The following CTNNBIP1 variants were observed in gnomAD, a reference collection of about 807,000 sequenced individuals.
CTNNBIP1 encodes catenin beta interacting protein 1.
In CTNNBIP1, 7 loss-of-function variants were observed where a neutral mutation model predicts 11.8. The observed-to-expected ratio is 0.60, with a 90% CI of 0.34 to 1.12. The LOEUF is 1.12. Ranked by LOEUF, CTNNBIP1 falls within the 50% of genes most tolerant of loss-of-function variation. CTNNBIP1 has a pLI of 0.03. For missense variants in CTNNBIP1, 101 were observed against 113.4 expected, an observed-to-expected ratio of 0.89 and a Z score of 0.50; for synonymous variants, 58 against 43.9, an observed-to-expected ratio of 1.32 and a Z score of -1.26.
intron 1 of CTNNBIP1, among the ~76,000 whole-genome samples, chr1:9,895,820 G>A (rs1639397882): frequency 6.6e-6 from 1 of 151,958 alleles, no homozygotes. Context: ...TAAGAGATGG[G>A]ACTTGCTATG....
rs1330245872 is a variant in CTNNBIP1 at position 9,871,276 on chromosome 1, A to C, written c.98T>G (p.Leu33Arg). The C allele has an allele frequency of 6.4e-7, 1 of 1,564,034 alleles. No individual in the cohort carries two copies. The highest frequency in any genetic ancestry group is 8.7e-7 in the Non-Finnish European group (1 of 1,154,146). Residue 33 changes from leucine to arginine, a missense_variant and splice_region_variant, in exon 5 of 6, where the codon CTG becomes CGG. Coordinates refer to ENST00000377263, the MANE Select transcript of CTNNBIP1 (RefSeq NM_020248.3). The surrounding 1 kb of genome is among the most constrained non-coding windows in gnomAD (Gnocchi z 5.2). ...LLMLRKMGSN[L>R]TASEEEFLRT... Reference sequence around the variant, plus strand: ...CAGGAACTCCTCCTCGCTGGCTGTCAGCTGCAGGGTGAGAGAGCTGTGGTG... The same window carrying C: ...CAGGAACTCCTCCTCGCTGGCTGTCCGCTGCAGGGTGAGAGAGCTGTGGTG...
intron 1 of CTNNBIP1, among the ~76,000 whole-genome samples, chr1:9,897,209 C>T (rs1323008652): frequency 2.0e-5 from 3 of 151,588 alleles, no homozygotes; most frequent in Admixed American, 1.3e-4. Flanking sequence ...AATCCCAGCA[C>T]TTTGGGAGGC....
intron 1 of CTNNBIP1, among the ~76,000 whole-genome samples, chr1:9,898,993 A>C (rs12034119): frequency 0.18 from 28,011 of 151,974 alleles, 3,463 homozygotes; most frequent in East Asian, 0.52. Flanking sequence ...AAAATTTTTT[A>C]CTTCCGTAGG....
chr1:9,905,662 C>T (rs1443767107), intron 1 of CTNNBIP1, among the ~76,000 whole-genome samples: 1 of 151,678 alleles, frequency 6.6e-6, no homozygotes, highest in Admixed American at 6.6e-5. Context: ...GATCTCCTGA[C>T]CTGGTGATCC....
chr1:9,855,614 C>T (rs1029586966), intron 5 of CTNNBIP1, among the ~76,000 whole-genome samples: 21 of 151,386 alleles, frequency 1.4e-4, no homozygotes, highest in Non-Finnish European at 2.8e-4. Context: ...CTTGCAGCAT[C>T]TAAAAAAATT....
intron 1 of CTNNBIP1, among the ~76,000 whole-genome samples, chr1:9,904,182 A>AT: frequency 6.6e-6 from 1 of 152,326 alleles, no homozygotes; most frequent in East Asian, 1.9e-4. Context: ...AAATCTACAG[A>AT]TGACATATGA....
chr1:9,897,911 G>C lies in CTNNBIP1; in HGVS notation c.-144+12184C>G, dbSNP rs1393192386. 2.0e-5 allele frequency among the ~76,000 whole-genome samples: 3 copies of C among 152,028 alleles called. No individual in the cohort carries two copies. In the East Asian group the frequency reaches 5.8e-4, roughly 30 times the overall value. ...CGAGGTGGGCGGATCACAGGGTTAG[G>C]AGTTCAAGACCAGCCTGGCCAATAG... On this transcript the variant is annotated intron_variant, in intron 1 of 5. Transcript: ENST00000377263.
chr1:9,893,393 C>T (rs1452597192), intron 1 of CTNNBIP1, among the ~76,000 whole-genome samples: 4 of 152,164 alleles, frequency 2.6e-5, no homozygotes, highest in Non-Finnish European at 1.5e-5. Flanking sequence ...AGCCACGAAA[C>T]TGTTAGTCAC....
chr1:9,904,715 A>G (rs927270239), intron 1 of CTNNBIP1, among the ~76,000 whole-genome samples: 1 of 152,192 alleles, frequency 6.6e-6, no homozygotes, highest in Non-Finnish European at 1.5e-5. Flanking sequence ...TGCATTTATG[A>G]AGAATGGCTG....
chr1:9,854,642 T>C (rs1638464934), intron 5 of CTNNBIP1, among the ~76,000 whole-genome samples: 1 of 152,040 alleles, frequency 6.6e-6, no homozygotes. Flanking sequence ...GATGACATGA[T>C]CTTATATGTA....
intron 5 of CTNNBIP1, among the ~76,000 whole-genome samples, chr1:9,860,632 A>AAG (rs1557746557): frequency 6.6e-6 from 1 of 150,812 alleles, no homozygotes; most frequent in African/African-American, 2.4e-5. Context: ...AAAAAAAAAA[A>AAG]AAAGAAAAAA....
intron 3 of CTNNBIP1, among the ~76,000 whole-genome samples, chr1:9,874,482 G>A (rs1217520522): frequency 1.3e-5 from 2 of 152,170 alleles, no homozygotes; most frequent in Non-Finnish European, 2.9e-5. Flanking sequence ...TCAAATTCCT[G>A]GTCTCAAGCA....
At position 9,871,276 on chromosome 1, in the gene CTNNBIP1, A is replaced by G; in HGVS notation, c.98T>C (p.Leu33Pro). The G allele has an allele frequency of 6.4e-7, 1 of 1,564,034 alleles. No individual in the cohort carries two copies. Among genetic ancestry groups the G allele is most frequent in the Non-Finnish European group, 8.7e-7 (1 of 1,154,146 alleles). ...LLMLRKMGSN[L>P]TASEEEFLRT... ...CAGGAACTCCTCCTCGCTGGCTGTC[A>G]GCTGCAGGGTGAGAGAGCTGTGGTG... Residue 33 changes from leucine to proline, a missense_variant and splice_region_variant, in exon 5 of 6, where the codon CTG (leucine) becomes CCG (proline). Transcript: ENST00000377263. This position sits in a 1 kb window ranked among gnomAD's most constrained non-coding sequence, Gnocchi z 5.2.
In CTNNBIP1 at chr1:9,867,437, T is replaced by C. The variant is rs545931870; in HGVS notation, c.187+3750A>G. ...CACGGCCCCCTCCCTGGGCCTCAAG[T>C]AAGGGAGCAGTGCCCCAGGTACCAG... On this transcript the variant is annotated intron_variant, in intron 5 of 5. Transcript: ENST00000377263. This position sits in a 1 kb window ranked among gnomAD's most constrained non-coding sequence, Gnocchi z 4.6. Among the ~76,000 whole-genome samples, 7 of 151,956 alleles carry C rather than the reference T, an allele frequency of 4.6e-5. No individual in the cohort carries two copies. Among genetic ancestry groups the C allele is most frequent in the Non-Finnish European group, 1.0e-4 (7 of 67,930 alleles).
intron 5 of CTNNBIP1, among the ~76,000 whole-genome samples, chr1:9,868,705 G>A (rs773462697): frequency 2.6e-5 from 4 of 152,016 alleles, no homozygotes; most frequent in South Asian, 2.1e-4. Flanking sequence ...TTGGCTCATC[G>A]CAAGCTCCGC....
chr1:9,869,363 GGTTTTGTTTT>G (rs1164087483), intron 5 of CTNNBIP1, among the ~76,000 whole-genome samples: 1 of 150,858 alleles, frequency 6.6e-6, no homozygotes, highest in Non-Finnish European at 1.5e-5. Context: ...TTGTTGCTGG[GGTTTTGTTTT>G]GTTTTGTTTT....
chr1:9,857,814 AC>A lies in CTNNBIP1; in HGVS notation c.188-7039del, dbSNP rs1400384801. The stretch of plus-strand genomic sequence containing the variant: ...AGATTCCGTCTCAAAAACAATAACA[AC>A]AACAACAACAAAAATCCAAAACTAT... On this transcript the variant is annotated intron_variant, in intron 5 of 5. Coordinates refer to ENST00000377263, the MANE Select transcript of CTNNBIP1 (RefSeq NM_020248.3). Among the ~76,000 whole-genome samples the A allele has an allele frequency of 3.3e-5, 5 of 152,302 alleles. No individual in the cohort carries two copies. The East Asian group carries it at 7.7e-4, about 23-fold the overall frequency.
At chr1:9,878,375 AAG>A (rs1639013897) in intron 2 of CTNNBIP1, among the ~76,000 whole-genome samples, 1 of 152,194 alleles carries the variant, frequency 6.6e-6, no homozygotes, top group Non-Finnish European at 1.5e-5. Flanking sequence ...GCACCTGCAC[AAG>A]AGAATGCCCC....
In CTNNBIP1 at chr1:9,878,775, C is replaced by T. The variant is rs887483993; in HGVS notation, c.-109-786G>A. Among the ~76,000 whole-genome samples the T allele has an allele frequency of 2.0e-5, 3 of 152,354 alleles. No individual in the cohort carries two copies. In the East Asian group the frequency reaches 5.8e-4, roughly 29 times the overall value. On this transcript the variant is annotated intron_variant, in intron 2 of 5. Transcript: ENST00000377263. ...CCTTGCCCACCCGCTCCAGCTGCAC[C>T]ACCTGCTCTGCTGGGGTGCAAGACC...
Sources: allele counts gnomAD v4.1 joint callset (sites outside exome capture counted in the v4.1 genomes callset), GRCh38; gene constraint gnomAD v4.1.1; non-coding constraint Gnocchi (gnomAD v3.1); transcripts MANE v1.5; gene names NCBI Gene and HGNC (gene_info 2026-07-23, HGNC 2026-07-21).